LRP6: variants seen among roughly 807,000 people sequenced by gnomAD.
The protein encoded by LRP6 is low-density lipoprotein receptor-related protein 6.
In LRP6, 43 loss-of-function variants were observed where a neutral mutation model predicts 184.1. The observed-to-expected ratio is 0.23, with a 90% CI of 0.18 to 0.30. The LOEUF (loss-of-function observed/expected upper bound fraction) is 0.30. LRP6 is among the 10% of genes least tolerant of loss of function. The pLI, the probability that LRP6 is intolerant of heterozygous loss-of-function variation, is 1.00. For missense variants in LRP6, 1,571 were observed against 2,005.3 expected (o/e 0.78, Z 4.14); for synonymous variants, 719 against 684.9 (o/e 1.05, Z -0.78).
intron 2 of LRP6, among the ~76,000 whole-genome samples, chr12:12,232,747 A>G (rs550882722): frequency 3.4e-4 from 52 of 152,204 alleles, no homozygotes; most frequent in Non-Finnish European, 6.0e-4. Context: ...TCTAATAAGA[A>G]AATACAAGAA....
At chr12:12,132,502 A>G (rs1037255527) in intron 17 of LRP6, among the ~76,000 whole-genome samples, 1 of 152,208 alleles carries the variant, frequency 6.6e-6, no homozygotes, top group Non-Finnish European at 1.5e-5. Context: ...AACTATTTTT[A>G]TAATAACATT....
chr12:12,189,216 C>T (rs1412761299), intron 3 of LRP6, among the ~76,000 whole-genome samples: 1 of 152,174 alleles, frequency 6.6e-6, no homozygotes, highest in Non-Finnish European at 1.5e-5. Flanking sequence ...TTATTACTGA[C>T]ACCATTTCTG....
intron 2 of LRP6, among the ~76,000 whole-genome samples, chr12:12,229,055 A>G (rs1171807099): frequency 6.6e-6 from 1 of 152,158 alleles, no homozygotes; most frequent in Admixed American, 6.5e-5. Context: ...ATATGACACA[A>G]ACATTTTCTA....
chr12:12,148,875 G>A lies in LRP6; in HGVS notation c.3206+67C>T, dbSNP rs937822254. 8 of 1,109,718 alleles carry A rather than the reference G, an allele frequency of 7.2e-6. No individual in the cohort carries two copies. The African/African-American group carries it at 1.1e-4, about 15-fold the overall frequency. The allele number at this position is 1,109,718 out of a possible 1,614,324, so 68.7% of individuals were successfully genotyped here. A position where few individuals can be genotyped will look rare whatever the true frequency, so the allele number is the denominator to read the frequency against. On this transcript the variant is annotated intron_variant, in intron 14 of 22. Transcript: ENST00000261349. ...GACACTTAAAGGTAAATAAATAACA[G>A]GCTGAAAAAGAAGGGTGAGGAGAGT... is the stretch of plus-strand genomic sequence containing the variant.
rs200301774 is a variant in LRP6, at chr12:12,196,010, A to C, written c.647+7193T>G. Among the ~76,000 whole-genome samples the C allele has an allele frequency of 2.0e-5, 3 of 152,066 alleles. No homozygotes were observed. The East Asian group carries it at 5.8e-4, about 29-fold the overall frequency. ...AAAGCAATTGGCTATAGATGCATGG[A>C]TTAATTTCTGGGTTTTCTATTCTGT... On this transcript the variant is annotated intron_variant, in intron 3 of 22. Coordinates refer to ENST00000261349, the MANE Select transcript of LRP6 (RefSeq NM_002336.3).
At chr12:12,140,104 C>A (rs778280325) in intron 15 of LRP6, among the ~76,000 whole-genome samples, 46 of 151,684 alleles carry the variant, frequency 3.0e-4, no homozygotes, top group Admixed American at 8.5e-4. Context: ...TTAAAGAAAA[C>A]CTCTATCTTT....
Position 12,150,893 on chromosome 12 carries a change from G to A in LRP6, c.2937C>T (p.Leu979=), listed in dbSNP as rs1337666976. 1 of 1,614,040 alleles carries A rather than the reference G, an allele frequency of 6.2e-7. No homozygotes were observed. The highest frequency in any genetic ancestry group is 1.1e-5 in the South Asian group (1 of 91,082). The part of the protein sequence containing the change: ...AIDYDPLDKQ[L]YWIDSRQNMI... ...TGTTTTGTCGTGAGTCAATCCAATA[G>A]AGTTGCTTGTCCAGTGGGTCATAGT... Residue 979 remains leucine, a synonymous_variant, in exon 13 of 23, where the codon CTC becomes CTT. Coordinates refer to ENST00000261349, the MANE Select transcript of LRP6 (RefSeq NM_002336.3).
chr12:12,131,097 A>ATTTTTTT lies in LRP6; in HGVS notation c.3971-211_3971-205dup, dbSNP rs35705276. ...AAAATCCAGCAGGAAATTTCCTAAC[A>ATTTTTTT]TTTTTTTTTTTTTTTTTTTTTTTTT... On this transcript the variant is annotated intron_variant, in intron 18 of 22. Coordinates refer to ENST00000261349, the MANE Select transcript of LRP6 (RefSeq NM_002336.3). Among the ~76,000 whole-genome samples the ATTTTTTT allele has an allele frequency of 9.6e-4, 75 of 78,194 alleles. 3 individuals are homozygous for ATTTTTTT. The highest frequency in any genetic ancestry group is 2.8e-3 in the African/African-American group (71 of 25,102). The allele number at this position is 78,194 out of a possible 152,430, so 51.3% of individuals were successfully genotyped here.
intron 9 of LRP6, among the ~76,000 whole-genome samples, chr12:12,164,000 C>T (rs573287762): frequency 6.6e-5 from 10 of 152,106 alleles, no homozygotes; most frequent in Admixed American, 5.9e-4. Flanking sequence ...CGTCGTGGCA[C>T]GCACCTGTAG....
chr12:12,236,818 A>G lies in LRP6; in HGVS notation c.449+7444T>C, dbSNP rs140176939. Among the ~76,000 whole-genome samples the G allele has an allele frequency of 1.4e-3, 213 of 152,372 alleles. 1 individual carries two copies. The highest frequency in any genetic ancestry group is 4.9e-3 in the African/African-American group (203 of 41,594). On this transcript the variant is annotated intron_variant, in intron 2 of 22. Transcript: ENST00000261349. ...GGAAAAGATACATAGGGAGAGATCC[A>G]GAAGGGTCACGAGCACAGGTGATTC...
intron 1 of LRP6, among the ~76,000 whole-genome samples, chr12:12,252,767 G>A (rs527508139): frequency 1.1e-4 from 16 of 152,164 alleles, no homozygotes; most frequent in African/African-American, 3.6e-4. Context: ...AGAAGTTAAC[G>A]ACCTACTCCA....
intron 7 of LRP6, among the ~76,000 whole-genome samples, chr12:12,173,321 C>G (rs2111165): frequency 0.02 from 3,037 of 152,264 alleles, 69 homozygotes; most frequent in Non-Finnish European, 0.031. Flanking sequence ...TGCTCTCATT[C>G]TTTTTAAGCA....
At chr12:12,180,854 C>A (rs1863326828) in intron 6 of LRP6, among the ~76,000 whole-genome samples, 189 bp downstream of exon 6, 1 of 152,170 alleles carries the variant, frequency 6.6e-6, no homozygotes, top group East Asian at 1.9e-4. Flanking sequence ...TCTAAGACAT[C>A]CAAGGCAAAA....
At chr12:12,186,515 A>C (rs1591926328) in intron 4 of LRP6, among the ~76,000 whole-genome samples, 1 of 147,032 alleles carries the variant, frequency 6.8e-6, no homozygotes, top group East Asian at 2.1e-4. Flanking sequence ...AGCGGCTGGG[A>C]CTACAGGTGC....
chr12:12,203,468 C>T (rs1863969262), intron 2 of LRP6, 68 bp from the exon 3 acceptor site: 1 of 1,339,156 alleles, frequency 7.5e-7, no homozygotes, highest in African/African-American at 1.4e-5. Flanking sequence ...GTAATTATTA[C>T]TATTAAAGAA....
chr12:12,197,461 C>T (rs1414457700), intron 3 of LRP6, among the ~76,000 whole-genome samples: 1 of 152,150 alleles, frequency 6.6e-6, no homozygotes, highest in African/African-American at 2.4e-5. Flanking sequence ...TGATCTAGTC[C>T]TCTTCAGTGT....
intron 2 of LRP6, among the ~76,000 whole-genome samples, chr12:12,207,749 C>A (rs549900945): frequency 1.2e-4 from 18 of 152,212 alleles, no homozygotes; most frequent in African/African-American, 3.9e-4. Context: ...AGAACACTTG[C>A]AAGCTAGTCT....
Position 12,159,064 on chromosome 12 carries a change from T to C in LRP6, c.2556A>G (p.Arg852=), listed in dbSNP as rs775802973. The C allele has an allele frequency of 7.4e-6, 12 of 1,614,204 alleles. No individual in the cohort carries two copies. Among genetic ancestry groups the C allele is most frequent in the Admixed American group, 3.3e-5 (2 of 60,028 alleles). The change falls in exon 12 of 23, where the codon CGA becomes CGG. Residue 852 remains arginine (R), a synonymous_variant. Coordinates refer to ENST00000261349, the MANE Select transcript of LRP6 (RefSeq NM_002336.3). ...TTTTGTTGGCACGCTCAATGCTGCGTCGGCTCCAGTCCGTCCAGTAGATAT... is the reference window on the plus strand; with the variant it reads ...TTTTGTTGGCACGCTCAATGCTGCGCCGGCTCCAGTCCGTCCAGTAGATAT... ...QDYIYWTDWS[R]RSIERANKTS... is the part of the protein sequence containing the mutation.
At chr12:12,193,840 C>T (rs1214441529) in intron 3 of LRP6, among the ~76,000 whole-genome samples, 1 of 151,928 alleles carries the variant, frequency 6.6e-6, no homozygotes. Flanking sequence ...AAATATCTTC[C>T]GACTCTATGA....
Sources: gnomAD v4.1 joint callset for allele counts (sites outside exome capture counted in the v4.1 genomes callset) on GRCh38, gnomAD v4.1.1 for gene constraint, MANE v1.5 for transcripts, NCBI Gene and HGNC (gene_info 2026-07-23, HGNC 2026-07-21) for gene names.